Variants in ARFGAP3 observed in about 807,000 individuals in gnomAD.
ARFGAP3 encodes ADP-ribosylation factor GTPase-activating protein 3.
Under a neutral mutation model 75.0 loss-of-function variants are expected in ARFGAP3, and 72 were observed. The observed-to-expected ratio is 0.96, with a 90% CI of 0.79 to 1.17. The LOEUF (loss-of-function observed/expected upper bound fraction) is 1.17. Among genes scored for constraint, ARFGAP3 ranks in the 50% most tolerant of loss-of-function variants. The pLI is 0.00. For synonymous variants in ARFGAP3, 221 were observed against 217.9 expected (o/e 1.01, Z -0.13); for missense variants, 620 against 626.6 (o/e 0.99, Z 0.11).
chr22:42,823,506 T>C, intron 8 of ARFGAP3, 150 bp downstream of exon 8: 1 of 402,494 alleles, frequency 2.5e-6, no homozygotes. Context: ...CTCTTTGACA[T>C]TAATCTCTTT....
At chr22:42,805,204 A>G (rs4822200) in intron 14 of ARFGAP3, among the ~76,000 whole-genome samples, 55,978 of 152,032 alleles carry the variant, frequency 0.37, 11,214 homozygotes, top group Non-Finnish European at 0.45. Flanking sequence ...CACAGGGTCA[A>G]AAAAATTTAA....
chr22:42,814,625 G>A, intron 11 of ARFGAP3, among the ~76,000 whole-genome samples: 1 of 152,244 alleles, frequency 6.6e-6, no homozygotes, highest in Non-Finnish European at 1.5e-5. Context: ...AGGCCCCACA[G>A]GGGCCTGTCA....
At chr22:42,802,684 C>T (rs1013714728) in intron 14 of ARFGAP3, among the ~76,000 whole-genome samples, 4 of 148,586 alleles carry the variant, frequency 2.7e-5, no homozygotes, top group Non-Finnish European at 5.9e-5. Context: ...TCACTGCAAG[C>T]TCCACCTCCC....
In ARFGAP3 at chr22:42,797,205, T is replaced by A. The variant is rs566953031; in HGVS notation, c.*383A>T. On this transcript the variant is annotated 3_prime_UTR_variant, in exon 16 of 16. Coordinates refer to ENST00000263245, the MANE Select transcript of ARFGAP3 (RefSeq NM_014570.5). ...GCAGGCCCATCCAGCATCCGCTGAT[T>A]CTGGCAGCCCTGAGCCCATGTGTCA... The A allele has an allele frequency of 2.0e-5, 4 of 197,920 alleles. No homozygotes were observed. The highest frequency in any genetic ancestry group is 9.3e-5 in the African/African-American group (4 of 42,836). 12.3% of individuals were successfully genotyped at this position (197,920 alleles called of 1,614,324 possible).
intron 2 of ARFGAP3, among the ~76,000 whole-genome samples, chr22:42,842,011 C>CTTTTTTTTTTTTTTTTTTTTTGTTTT (rs1926803562): frequency 1.1e-5 from 1 of 91,274 alleles, no homozygotes; most frequent in Non-Finnish European, 2.0e-5. Flanking sequence ...CCATGCCGGG[C>CTTTTTTTTTTTTTTTTTTTTTGTTTT]TTTTTTTTTT....
At chr22:42,815,671 C>T (rs1251813062) in intron 11 of ARFGAP3, among the ~76,000 whole-genome samples, 1 of 152,086 alleles carries the variant, frequency 6.6e-6, no homozygotes, top group Non-Finnish European at 1.5e-5. Context: ...CTATAAATTG[C>T]CAGACAACTC....
Position 42,799,040 on chromosome 22 carries a change from T to C in ARFGAP3, c.1532A>G (p.Gln511Arg). 2 of 1,614,100 alleles carry C rather than the reference T, an allele frequency of 1.2e-6. No individual in the cohort carries two copies. Residue 511 changes from glutamine to arginine, a missense_variant and splice_region_variant, in exon 15 of 16, where the codon CAG (glutamine) becomes CGG (arginine). Coordinates refer to ENST00000263245, the MANE Select transcript of ARFGAP3 (RefSeq NM_014570.5). The stretch of plus-strand genomic sequence containing the variant: ...TGAGCACTGCCCCATTCCACTGACC[T>C]GAATTGAAGTCACGACTCCATTAGC... ...VFANGVVTSI[Q>R]DRYGS
intron 11 of ARFGAP3, among the ~76,000 whole-genome samples, chr22:42,815,429 G>C (rs751904113): frequency 9.8e-5 from 13 of 132,538 alleles, no homozygotes; most frequent in Middle Eastern, 7.5e-3. Context: ...TTTTTTTTTT[G>C]GTAAAATCCC....
In ARFGAP3 at chr22:42,808,845, T is replaced by C. The variant is rs151228191; in HGVS notation, c.1242A>G (p.Thr414=). Residue 414 remains threonine (T), a synonymous_variant, in exon 13 of 16, where the codon ACA becomes ACG. Coordinates refer to ENST00000263245, the MANE Select transcript of ARFGAP3 (RefSeq NM_014570.5). ...RKPDYEPVEN[T]DEAQKKFGNV... Reference sequence around the variant, plus strand: ...TGCCAAACTTCTTCTGGGCCTCATCTGTATTTTCAACTGGCTCATAATCTG... The same window carrying C: ...TGCCAAACTTCTTCTGGGCCTCATCCGTATTTTCAACTGGCTCATAATCTG... 38 of 1,613,596 alleles carry C rather than the reference T, an allele frequency of 2.4e-5. No individual in the cohort carries two copies. The Middle Eastern group carries it at 1.2e-3, about 49-fold the overall frequency.
chr22:42,853,945 A>C (rs1250953658), intron 1 of ARFGAP3: 1 of 153,206 alleles, frequency 6.5e-6, no homozygotes, highest in Non-Finnish European at 1.5e-5. Flanking sequence ...GTAAATCTTG[A>C]TCTCCATTTT....
chr22:42,835,273 A>G (rs1410669862), intron 4 of ARFGAP3, 89 bp downstream of exon 4: 1 of 1,457,124 alleles, frequency 6.9e-7, no homozygotes, highest in East Asian at 2.3e-5. Context: ...CAACTCAGGT[A>G]GAAAAGTTTT....
chr22:42,799,389 T>C (rs756642594), intron 14 of ARFGAP3: 13 of 257,200 alleles, frequency 5.1e-5, no homozygotes, highest in Admixed American at 1.3e-4. Flanking sequence ...TTAACACCAC[T>C]ATGAGTTCAA....
intron 10 of ARFGAP3, among the ~76,000 whole-genome samples, 178 bp downstream of exon 10, chr22:42,817,551 G>A (rs922193956): frequency 6.6e-6 from 1 of 151,946 alleles, no homozygotes. Flanking sequence ...CTTTTAAAGA[G>A]CCAAATTTGA....
intron 1 of ARFGAP3, among the ~76,000 whole-genome samples, chr22:42,855,896 TG>T (rs1927475628): frequency 6.6e-6 from 1 of 151,786 alleles, no homozygotes; most frequent in Non-Finnish European, 1.5e-5. Context: ...AACAATTAGC[TG>T]GGCGTGGTGG....
At chr22:42,836,898 G>A (rs939717180) in intron 3 of ARFGAP3, among the ~76,000 whole-genome samples, 3 of 152,252 alleles carry the variant, frequency 2.0e-5, no homozygotes, top group Admixed American at 2.0e-4. Context: ...GGTAGCAAGG[G>A]ACAGAGTTAG....
At chr22:42,840,095 T>C (rs934740077) in intron 3 of ARFGAP3, among the ~76,000 whole-genome samples, 15 of 151,882 alleles carry the variant, frequency 9.9e-5, no homozygotes. Flanking sequence ...CATGATTTGC[T>C]AATTTTTGCA....
At position 42,835,414 on chromosome 22, in the gene ARFGAP3, C is replaced by CTA; in HGVS notation, c.339_340dup (p.Arg114IlefsTer48). The CTA allele has an allele frequency of 6.2e-7, 1 of 1,614,154 alleles. No homozygotes were observed. Among genetic ancestry groups the CTA allele is most frequent in the Non-Finnish European group, 8.5e-7 (1 of 1,180,014 alleles). On this transcript the variant is annotated frameshift_variant, in exon 4 of 16. Coordinates refer to ENST00000263245, the MANE Select transcript of ARFGAP3 (RefSeq NM_014570.5). LOFTEE classifies it high-confidence loss of function. ...AGAGGCGAGCGATTTGATTTTCTCC[C>CTA]TATAGAGCTGAGCAGCACGACTGTT...
intron 8 of ARFGAP3, among the ~76,000 whole-genome samples, chr22:42,823,249 C>T (rs1925890950): frequency 6.6e-6 from 1 of 152,038 alleles, no homozygotes; most frequent in Non-Finnish European, 1.5e-5. Context: ...ACAGCCAATA[C>T]ATGGCAAGGC....
intron 9 of ARFGAP3, among the ~76,000 whole-genome samples, chr22:42,821,901 C>G (rs891096295): frequency 6.6e-6 from 1 of 152,124 alleles, no homozygotes; most frequent in Non-Finnish European, 1.5e-5. Context: ...ACACCTGTTA[C>G]TGATTTTTTT....
Sources: gnomAD v4.1 joint callset for allele counts (sites outside exome capture counted in the v4.1 genomes callset) on GRCh38, gnomAD v4.1.1 for gene constraint, MANE v1.5 for transcripts, NCBI Gene and HGNC (gene_info 2026-07-23, HGNC 2026-07-21) for gene names.